The following FOXO3 variants were observed in gnomAD, a reference collection of about 807,000 sequenced individuals.
FOXO3 encodes forkhead box O3, also known as forkhead box protein O3.
In FOXO3, 4 loss-of-function variants were observed where a neutral mutation model predicts 41.9. That is an observed-to-expected ratio of 0.10 (90% CI 0.05 to 0.22). FOXO3 has a LOEUF of 0.22. Among genes scored for constraint, FOXO3 ranks in the 10% least tolerant of loss-of-function variants. FOXO3 has a pLI of 1.00. For missense variants in FOXO3, 534 were observed against 906.8 expected (o/e 0.59, Z 5.28); for synonymous variants, 318 against 389.3 (o/e 0.82, Z 2.16).
chr6:108,656,064 G>A (rs1214434444), intron 1 of FOXO3, among the ~76,000 whole-genome samples: 1 of 151,666 alleles, frequency 6.6e-6, no homozygotes, highest in East Asian at 1.9e-4. Flanking sequence ...TAGTGGGCCT[G>A]GCTTTGGAGT....
rs117292370 is a variant in FOXO3 at position 108,577,949 on chromosome 6, C to G, written c.621+16120C>G. 1.1e-4 allele frequency among the ~76,000 whole-genome samples: 16 copies of G among 152,274 alleles called. No individual in the cohort carries two copies. In the East Asian group the frequency reaches 2.9e-3, roughly 28 times the overall value. On this transcript the variant is annotated intron_variant, in intron 1 of 2. Coordinates refer to ENST00000406360, the MANE Select transcript of FOXO3 (RefSeq NM_001455.4). ...TCCAACTCCCACTCATTTTTCTAGT[C>G]TCTACTGGACCCTAGTTAAGTTATT...
intron 1 of FOXO3, among the ~76,000 whole-genome samples, chr6:108,614,211 T>C (rs1777434117): frequency 6.6e-6 from 1 of 152,118 alleles, no homozygotes; most frequent in South Asian, 2.1e-4. Context: ...TAAATGTGAA[T>C]TAGGTCAAGT....
At chr6:108,560,213 C>T (rs543279222), upstream of FOXO3, among the ~76,000 whole-genome samples, 1 of 152,194 alleles carries the variant, frequency 6.6e-6, no homozygotes, top group Admixed American at 6.5e-5. Context: ...AGGTGATGAA[C>T]GTGCTGGTCC....
At chr6:108,571,159 A>T (rs1444224435) in intron 1 of FOXO3, among the ~76,000 whole-genome samples, 1 of 152,230 alleles carries the variant, frequency 6.6e-6, no homozygotes, top group Admixed American at 6.5e-5. Flanking sequence ...CTCATGGGTG[A>T]GAGAAATGTA....
intron 1 of FOXO3, among the ~76,000 whole-genome samples, chr6:108,597,962 A>G (rs1421182979): frequency 6.6e-6 from 1 of 152,206 alleles, no homozygotes; most frequent in Admixed American, 6.5e-5. Flanking sequence ...TGTTGAAGCT[A>G]TATATATTTG....
rs1266277785 is a variant in FOXO3, at chr6:108,681,975, G to C, written c.*2183G>C. 2 of 152,172 alleles carry C rather than the reference G, an allele frequency of 1.3e-5. No homozygotes were observed. The highest frequency in any genetic ancestry group is 4.8e-5 in the African/African-American group (2 of 41,436). The allele number at this position is 152,172 out of a possible 1,614,324, so 9.4% of individuals were successfully genotyped here. Reference sequence around the variant, plus strand: ...TGCATTGCAGAGGCACTAGTAGCATGGGGGCTAGAGTGGGGAGCGAGATGT... The same window carrying C: ...TGCATTGCAGAGGCACTAGTAGCATCGGGGCTAGAGTGGGGAGCGAGATGT... On this transcript the variant is annotated 3_prime_UTR_variant, in exon 3 of 3. Transcript: ENST00000406360.
At chr6:108,608,886 C>T (rs554246008) in intron 1 of FOXO3, among the ~76,000 whole-genome samples, 3 of 152,244 alleles carry the variant, frequency 2.0e-5, no homozygotes, top group South Asian at 4.1e-4. Flanking sequence ...CCCTAAATTC[C>T]CAGGACAGAT....
rs1471238105 is a variant in FOXO3 at position 108,683,076 on chromosome 6, C to T, written c.*3284C>T. On this transcript the variant is annotated 3_prime_UTR_variant, in exon 3 of 3. Transcript: ENST00000406360. ...TGTGAATGAATCTGAGCTTGGTTTC[C>T]TTTATTGCTTCCTCTGCAATATGAT... 6.6e-6 allele frequency: 1 copy of T among 152,654 alleles called. No individual in the cohort carries two copies. The highest frequency in any genetic ancestry group is 1.5e-5 in the Non-Finnish European group (1 of 68,038). 9.5% of individuals were successfully genotyped at this position (152,654 alleles called of 1,614,324 possible). A position where few individuals can be genotyped will look rare whatever the true frequency, so the allele number is the denominator to read the frequency against.
chr6:108,620,325 CA>C (rs1028999030), intron 1 of FOXO3, among the ~76,000 whole-genome samples: 2 of 152,084 alleles, frequency 1.3e-5, no homozygotes, highest in African/African-American at 4.8e-5. Context: ...TAATATGATA[CA>C]ATTTTTGTCT....
chr6:108,627,232 T>C (rs1777835969), intron 1 of FOXO3, among the ~76,000 whole-genome samples: 1 of 152,162 alleles, frequency 6.6e-6, no homozygotes, highest in African/African-American at 2.4e-5. Flanking sequence ...GTCAGGGCTT[T>C]CTTGGGGCAC....
At chr6:108,662,454 CTA>C (rs1778896601) in intron 1 of FOXO3, among the ~76,000 whole-genome samples, 1 of 152,186 alleles carries the variant, frequency 6.6e-6, no homozygotes, top group Admixed American at 6.5e-5. Context: ...AGGCAAGTGT[CTA>C]TATAAATTAT....
chr6:108,643,801 A>C (rs572463751), intron 1 of FOXO3, among the ~76,000 whole-genome samples: 2 of 152,230 alleles, frequency 1.3e-5, no homozygotes, highest in East Asian at 3.9e-4. Flanking sequence ...TGAAGATCTG[A>C]CCTTAGTGCA....
At chr6:108,612,690 AT>A (rs1179952350) in intron 1 of FOXO3, among the ~76,000 whole-genome samples, 16 of 152,138 alleles carry the variant, frequency 1.1e-4, no homozygotes, top group African/African-American at 3.9e-4. Context: ...CAAAAAAAAA[AT>A]AAAAAAAAAA....
chr6:108,645,408 G>A (rs1010097792), intron 1 of FOXO3, among the ~76,000 whole-genome samples: 2 of 150,746 alleles, frequency 1.3e-5, no homozygotes, highest in African/African-American at 2.4e-5. Flanking sequence ...GCCTCTCTTC[G>A]AGCCTTCTTT....
intron 1 of FOXO3, among the ~76,000 whole-genome samples, chr6:108,617,831 A>G (rs764669430): frequency 1.3e-5 from 2 of 152,238 alleles, no homozygotes; most frequent in Admixed American, 6.5e-5. Flanking sequence ...CACATATACC[A>G]GTTACTTTTA....
At chr6:108,660,462 A>C (rs1215259150) in intron 1 of FOXO3, among the ~76,000 whole-genome samples, 3 of 152,224 alleles carry the variant, frequency 2.0e-5, no homozygotes. Flanking sequence ...CTTATGACCC[A>C]TGATTGCTAA....
intron 1 of FOXO3, among the ~76,000 whole-genome samples, chr6:108,583,473 G>T (rs1776487160): frequency 6.6e-6 from 1 of 152,216 alleles, no homozygotes; most frequent in Non-Finnish European, 1.5e-5. Flanking sequence ...TGTGCCAGAG[G>T]AGTGGGCACA....
intron 1 of FOXO3, among the ~76,000 whole-genome samples, chr6:108,632,422 A>G (rs569230965): frequency 2.0e-5 from 3 of 152,348 alleles, no homozygotes; most frequent in African/African-American, 7.2e-5. Flanking sequence ...ATACTTTACC[A>G]TATAATAGCA....
chr6:108,603,128 T>C (rs1777101834), intron 1 of FOXO3, among the ~76,000 whole-genome samples: 2 of 151,932 alleles, frequency 1.3e-5, no homozygotes, highest in African/African-American at 2.4e-5. Context: ...CTTTTTTACC[T>C]GTGGTACCAT....
Sources: gnomAD v4.1 joint callset for allele counts (sites outside exome capture counted in the v4.1 genomes callset) on GRCh38, gnomAD v4.1.1 for gene constraint, MANE v1.5 for transcripts, NCBI Gene and HGNC (gene_info 2026-07-23, HGNC 2026-07-21) for gene names.